IL1RAPL2: variants seen among roughly 807,000 people sequenced by gnomAD.
IL1RAPL2 encodes interleukin 1 receptor accessory protein like 2, also known as X-linked interleukin-1 receptor accessory protein-like 2.
IL1RAPL2 carries 3 observed loss-of-function variants against 44.1 expected under a neutral mutation model. That is an observed-to-expected ratio of 0.07 (90% CI 0.03 to 0.18). The LOEUF is 0.18. Ranked by LOEUF, IL1RAPL2 falls within the 10% of genes least tolerant of loss-of-function variation. The pLI, the probability that IL1RAPL2 is intolerant of heterozygous loss-of-function variation, is 1.00. For synonymous variants in IL1RAPL2, 181 were observed against 178.8 expected (o/e 1.01, Z -0.10); for missense variants, 391 against 496.4 (o/e 0.79, Z 2.02).
At chrX:104,775,236 C>A (rs986654708) in intron 2 of IL1RAPL2, among the ~76,000 whole-genome samples, 10 of 112,422 alleles carry the variant, frequency 8.9e-5, no homozygotes, top group African/African-American at 2.9e-4. Flanking sequence ...AGTTATCTTA[C>A]AAGCTGTCTA....
At chrX:105,387,237 C>CT (rs577370014) in intron 5 of IL1RAPL2, among the ~76,000 whole-genome samples, 1,407 of 90,781 alleles carry the variant, frequency 0.015, 19 homozygotes, top group South Asian at 0.039. Flanking sequence ...TGTGCATTTT[C>CT]TTTTTTTTTT....
intron 5 of IL1RAPL2, among the ~76,000 whole-genome samples, chrX:105,296,360 C>G (rs769450233): frequency 1.6e-4 from 18 of 111,862 alleles, no homozygotes; most frequent in Non-Finnish European, 2.8e-4. Flanking sequence ...CCTCTGGACC[C>G]ACATAATACT....
rs767200256 is a variant in IL1RAPL2 at position 105,717,426 on chromosome X, A to G, written c.832A>G (p.Met278Val). 1 of 1,204,302 alleles carries G rather than the reference A, an allele frequency of 8.3e-7. No homozygotes were observed. Among genetic ancestry groups the G allele is most frequent in the South Asian group, 1.8e-5 (1 of 56,532 alleles). ...FFGFSGESGP[M>V]IYWMKGEKFI... ...CGGATTCAGTGGAGAGTCTGGGCCA[A>G]TGATCTACTGGATGAAAGGAGAAAA... is the stretch of plus-strand genomic sequence containing the variant. Residue 278 changes from methionine to valine, a missense_variant, in exon 7 of 11, where the codon ATG becomes GTG. Around this residue, in one of 2 missense-constraint regions of IL1RAPL2, gnomAD observed 159 missense variants for 251.7 expected, o/e 0.63. Transcript: ENST00000372582.
intron 6 of IL1RAPL2, among the ~76,000 whole-genome samples, chrX:105,611,851 C>G (rs910665352): frequency 1.8e-5 from 2 of 111,906 alleles, no homozygotes; most frequent in Admixed American, 1.9e-4. Context: ...TTGTGTGTAT[C>G]AGCAGCTTTT....
intron 2 of IL1RAPL2, among the ~76,000 whole-genome samples, chrX:104,704,936 A>T (rs1931339977): frequency 9.0e-6 from 1 of 111,730 alleles, no homozygotes; most frequent in Non-Finnish European, 1.9e-5. Flanking sequence ...AGACACAAGG[A>T]TTTATGAAAC....
At chrX:105,321,199 C>T (rs1269219375) in intron 5 of IL1RAPL2, among the ~76,000 whole-genome samples, 1 of 111,435 alleles carries the variant, frequency 9.0e-6, no homozygotes, top group Admixed American at 9.5e-5. Flanking sequence ...TAATAACAAG[C>T]ACCCTTGGTG....
intron 7 of IL1RAPL2, among the ~76,000 whole-genome samples, chrX:105,717,978 T>A (rs2038271289): frequency 8.9e-6 from 1 of 112,569 alleles, no homozygotes; most frequent in Admixed American, 9.4e-5. Flanking sequence ...AAAAGACTGA[T>A]CCTTCAATTT....
At chrX:104,763,483 C>T (rs1393739007) in intron 2 of IL1RAPL2, among the ~76,000 whole-genome samples, 2 of 111,827 alleles carry the variant, frequency 1.8e-5, no homozygotes, top group Non-Finnish European at 3.8e-5. Flanking sequence ...GTTCTAAAGT[C>T]GCTTCCACAT....
intron 2 of IL1RAPL2, among the ~76,000 whole-genome samples, chrX:104,840,787 G>T (rs1367502741): frequency 1.8e-5 from 2 of 109,422 alleles, no homozygotes; most frequent in Non-Finnish European, 3.8e-5. Flanking sequence ...CGATTTTCCT[G>T]CCTCAGCCTC....
At chrX:105,174,265 C>T (rs766765957) in intron 2 of IL1RAPL2, among the ~76,000 whole-genome samples, 15 of 111,663 alleles carry the variant, frequency 1.3e-4, no homozygotes, top group Non-Finnish European at 2.6e-4. Flanking sequence ...TGCTTCCCCA[C>T]GGATGAAGAC....
chrX:105,595,640 T>A (rs149786207), intron 6 of IL1RAPL2, among the ~76,000 whole-genome samples: 2 of 111,616 alleles, frequency 1.8e-5, no homozygotes, highest in East Asian at 5.6e-4. Flanking sequence ...TCTTGCAGTG[T>A]CTTTTTCTAG....
At chrX:105,271,761 T>C (rs776668432) in intron 5 of IL1RAPL2, among the ~76,000 whole-genome samples, 4 of 110,074 alleles carry the variant, frequency 3.6e-5, no homozygotes, top group Admixed American at 9.8e-5. Flanking sequence ...TCACATCCCT[T>C]GTAAGTTGGA....
chrX:105,572,742 A>G (rs1008454829), intron 6 of IL1RAPL2, among the ~76,000 whole-genome samples: 4 of 111,853 alleles, frequency 3.6e-5, no homozygotes, highest in Non-Finnish European at 7.5e-5. Flanking sequence ...TTGCACTACA[A>G]TGGCAGTGTT....
At chrX:105,276,339 T>C (rs1471784235) in intron 5 of IL1RAPL2, among the ~76,000 whole-genome samples, 1 of 112,436 alleles carries the variant, frequency 8.9e-6, no homozygotes, top group Non-Finnish European at 1.9e-5. Flanking sequence ...ACCTGGGAGT[T>C]GGAGGTTGTG....
At chrX:105,729,835 A>G (rs1365111625) in intron 7 of IL1RAPL2, among the ~76,000 whole-genome samples, 1 of 105,123 alleles carries the variant, frequency 9.5e-6, no homozygotes, top group Non-Finnish European at 2.0e-5. Context: ...AAAACCACCA[A>G]ACCACAATAT....
At position 105,182,064 on chromosome X, in the gene IL1RAPL2, CAAAAAAAAAAAAAAG is replaced by C. The variant is rs781942310; in HGVS notation, c.83-13404_83-13390del. ...CCTGGGCGACAGAGTGAGACTCTGT[CAAAAAAAAAAAAAAG>C]AAAAAAGAAAAAAAGAATGTATATT... On this transcript the variant is annotated intron_variant, in intron 2 of 10. Coordinates refer to ENST00000372582, the MANE Select transcript of IL1RAPL2 (RefSeq NM_017416.2). Among the ~76,000 whole-genome samples the C allele has an allele frequency of 7.0e-4, 41 of 58,770 alleles. 3 individuals carry two copies. Among genetic ancestry groups the C allele is most frequent in the Admixed American group, 6.1e-3 (28 of 4,624 alleles). 51.0% of individuals were successfully genotyped at this position (58,770 alleles called of 115,157 possible).
At chrX:105,130,095 G>A (rs1191265077) in intron 2 of IL1RAPL2, among the ~76,000 whole-genome samples, 1 of 110,814 alleles carries the variant, frequency 9.0e-6, no homozygotes, top group East Asian at 2.8e-4. Context: ...CTTTTGTTAT[G>A]CCCATTTTAC....
intron 2 of IL1RAPL2, among the ~76,000 whole-genome samples, chrX:104,959,247 G>C (rs2029959280): frequency 9.0e-6 from 1 of 111,556 alleles, no homozygotes; most frequent in Non-Finnish European, 1.9e-5. Context: ...ATTCGTGTTA[G>C]CCTTTGTTAT....
In IL1RAPL2 at chrX:105,274,409, A is replaced by G. The variant is rs768740563; in HGVS notation, c.697+6868A>G. Among the ~76,000 whole-genome samples, 15 of 112,500 alleles carry G rather than the reference A, an allele frequency of 1.3e-4. No homozygotes were observed. In the South Asian group the frequency reaches 5.5e-3, roughly 41 times the overall value. ...TGGCCCTACTAGTATGATAATTTATATTGAGAATATTCCAATGATGTTCAT... is the reference window on the plus strand; with the variant it reads ...TGGCCCTACTAGTATGATAATTTATGTTGAGAATATTCCAATGATGTTCAT... On this transcript the variant is annotated intron_variant, in intron 5 of 10. Transcript: ENST00000372582.
Sources: allele counts gnomAD v4.1 joint callset (sites outside exome capture counted in the v4.1 genomes callset), GRCh38; gene constraint gnomAD v4.1.1; regional missense constraint gnomAD v4.1.1; transcripts MANE v1.5; gene names NCBI Gene and HGNC (gene_info 2026-07-23, HGNC 2026-07-21).